FNDC3B: variants seen among roughly 807,000 people sequenced by gnomAD.
The protein encoded by FNDC3B is fibronectin type III domain containing 3B.
In FNDC3B, 12 loss-of-function variants were observed where a neutral mutation model predicts 151.5. The ratio of observed to expected loss-of-function variants is 0.08; its 90% confidence interval spans 0.05 to 0.13. The LOEUF is 0.13. Among genes scored for constraint, FNDC3B ranks in the 10% least tolerant of loss-of-function variants. The probability of loss-of-function intolerance (pLI) is 1.00; values close to 1 mark genes in which losing one functional copy is unlikely to be tolerated. For missense variants in FNDC3B, 1,214 were observed against 1,505.3 expected, an observed-to-expected ratio of 0.81 and a Z score of 3.20; for synonymous variants, 528 against 549.0, an observed-to-expected ratio of 0.96 and a Z score of 0.54.
intron 1 of FNDC3B, among the ~76,000 whole-genome samples, chr3:172,074,102 C>T (rs532220651): frequency 6.6e-6 from 1 of 152,320 alleles, no homozygotes; most frequent in South Asian, 2.1e-4. Flanking sequence ...TAATTGTCTG[C>T]AAATGAATTG....
At chr3:172,370,979 C>T (rs1419143031) in intron 23 of FNDC3B, among the ~76,000 whole-genome samples, 2 of 152,088 alleles carry the variant, frequency 1.3e-5, no homozygotes, top group Admixed American at 6.6e-5. Context: ...CCATAATTTA[C>T]GTTAGGGTTT....
intron 25 of FNDC3B, among the ~76,000 whole-genome samples, chr3:172,386,956 T>C (rs1735746284): frequency 6.6e-6 from 1 of 152,064 alleles, no homozygotes; most frequent in Non-Finnish European, 1.5e-5. Context: ...TTTTAAAGTC[T>C]TGGAGCCTCC....
intron 3 of FNDC3B, among the ~76,000 whole-genome samples, chr3:172,226,559 GC>G (rs1311710131): frequency 6.6e-6 from 1 of 151,972 alleles, no homozygotes; most frequent in East Asian, 1.9e-4. Context: ...GAAACTTTTT[GC>G]CCCACTCTGT....
chr3:172,260,581 T>C (rs942028169), intron 6 of FNDC3B, among the ~76,000 whole-genome samples: 25 of 152,216 alleles, frequency 1.6e-4, no homozygotes, highest in African/African-American at 5.8e-4. Context: ...CTGCTTTCTG[T>C]GGGCCATTTT....
chr3:172,217,829 A>G (rs1456161395), intron 3 of FNDC3B, among the ~76,000 whole-genome samples: 1 of 152,196 alleles, frequency 6.6e-6, no homozygotes, highest in African/African-American at 2.4e-5. Context: ...AACAAGTTCA[A>G]AGAGGAATGT....
chr3:172,157,243 T>C (rs971464861), intron 3 of FNDC3B, among the ~76,000 whole-genome samples: 4 of 152,088 alleles, frequency 2.6e-5, no homozygotes, highest in African/African-American at 7.2e-5. Context: ...AAAGTAGTGG[T>C]AGAGCCAGAA....
At chr3:172,129,242 G>C (rs143316820) in intron 2 of FNDC3B, among the ~76,000 whole-genome samples, 136 of 152,276 alleles carry the variant, frequency 8.9e-4, no homozygotes, top group African/African-American at 3.2e-3. Context: ...CAAAGCACTG[G>C]AATTACAGGC....
chr3:172,118,173 T>C (rs1055365335), intron 2 of FNDC3B, among the ~76,000 whole-genome samples: 6 of 152,250 alleles, frequency 3.9e-5, no homozygotes, highest in African/African-American at 1.4e-4. Context: ...GTTCAACATA[T>C]TAAAGCTTTC....
At chr3:172,270,996 A>G (rs934321886) in intron 6 of FNDC3B, among the ~76,000 whole-genome samples, 2 of 152,188 alleles carry the variant, frequency 1.3e-5, no homozygotes, top group African/African-American at 4.8e-5. Flanking sequence ...TGGTAAGCCT[A>G]TTTCAGCCCC....
chr3:172,316,497 G>T (rs960717396), intron 11 of FNDC3B: 2 of 446,660 alleles, frequency 4.5e-6, no homozygotes, highest in South Asian at 3.2e-5. Flanking sequence ...TAAACAGATC[G>T]TGATCTGGCC....
At chr3:172,056,789 T>C (rs1247568031) in intron 1 of FNDC3B, among the ~76,000 whole-genome samples, 5 of 152,278 alleles carry the variant, frequency 3.3e-5, no homozygotes, top group African/African-American at 1.2e-4. Flanking sequence ...CCCAGTTACT[T>C]TAAAAGCGTA....
At chr3:172,333,544 C>T (rs1732796306) in intron 14 of FNDC3B, among the ~76,000 whole-genome samples, 1 of 137,748 alleles carries the variant, frequency 7.3e-6, no homozygotes, top group African/African-American at 2.8e-5. Context: ...GGGGGTTTCA[C>T]CATGTTGGCC....
intron 2 of FNDC3B, among the ~76,000 whole-genome samples, chr3:172,113,455 T>C (rs1445147773): frequency 6.6e-6 from 1 of 152,240 alleles, no homozygotes; most frequent in Non-Finnish European, 1.5e-5. Flanking sequence ...GTATATTCTT[T>C]GCATATACTT....
intron 3 of FNDC3B, among the ~76,000 whole-genome samples, chr3:172,167,079 A>T (rs942962359): frequency 4.5e-4 from 69 of 152,244 alleles, no homozygotes; most frequent in Admixed American, 4.4e-3. Flanking sequence ...GCTCTTAAAT[A>T]TTGCGTTGTT....
At chr3:172,366,077 T>G (rs761626357) in intron 23 of FNDC3B, among the ~76,000 whole-genome samples, 2 of 152,170 alleles carry the variant, frequency 1.3e-5, no homozygotes, top group African/African-American at 2.4e-5. Context: ...CTTCATATTT[T>G]TAGTTTCTGC....
At chr3:172,318,921 C>T (rs77437901) in intron 11 of FNDC3B, among the ~76,000 whole-genome samples, 188 of 152,250 alleles carry the variant, frequency 1.2e-3, no homozygotes, top group African/African-American at 4.3e-3. Flanking sequence ...GAAACTAAGC[C>T]AGGAAGGATT....
rs148740155 is a variant in FNDC3B at position 172,147,509 on chromosome 3, G to A, written c.187+13963G>A. On this transcript the variant is annotated intron_variant, in intron 3 of 25. Transcript: ENST00000415807. ...TAGGAATCATTTTGTTGCTTGACTT[G>A]GGTGGGTGGTCCCTATAGTATATGA... Among the ~76,000 whole-genome samples, 168 of 152,150 alleles carry A rather than the reference G, an allele frequency of 1.1e-3. 2 individuals carry two copies. Among genetic ancestry groups the A allele is most frequent in the East Asian group, 3.3e-3 (17 of 5,184 alleles).
chr3:172,215,505 C>T lies in FNDC3B; in HGVS notation c.188-11366C>T, dbSNP rs145800268. 5.0e-3 allele frequency among the ~76,000 whole-genome samples: 766 copies of T among 152,310 alleles called. 6 individuals are homozygous for T. The highest frequency in any genetic ancestry group is 0.017 in the African/African-American group (723 of 41,572). On this transcript the variant is annotated intron_variant, in intron 3 of 25. Coordinates refer to ENST00000415807, the MANE Select transcript of FNDC3B (RefSeq NM_022763.4). ...TTGGAAGGCCGAGGTGAGTGGATCA[C>T]CTGAGGTCAAGAGTTCGAGACCAGC...
intron 25 of FNDC3B, among the ~76,000 whole-genome samples, chr3:172,385,425 T>A (rs1234980501): frequency 6.6e-6 from 1 of 152,190 alleles, no homozygotes; most frequent in African/African-American, 2.4e-5. Flanking sequence ...CAGTAAATGT[T>A]TCCTGCATGC....
Sources: gnomAD v4.1 joint callset for allele counts (sites outside exome capture counted in the v4.1 genomes callset) on GRCh38, gnomAD v4.1.1 for gene constraint, MANE v1.5 for transcripts, NCBI Gene and HGNC (gene_info 2026-07-23, HGNC 2026-07-21) for gene names.